COL13A1: variants seen among roughly 807,000 people sequenced by gnomAD.
COL13A1 encodes collagen type XIII alpha 1 chain.
Under a neutral mutation model 130.9 loss-of-function variants are expected in COL13A1, and 89 were observed. The ratio of observed to expected loss-of-function variants is 0.68; its 90% CI spans 0.57 to 0.81. The LOEUF is 0.81. Ranked by LOEUF, COL13A1 falls within the 30% of genes least tolerant of loss-of-function variation. COL13A1 has a pLI of 0.00. For synonymous variants in COL13A1, 402 were observed against 341.6 expected (o/e 1.18, Z -1.95); for missense variants, 879 against 934.6 (o/e 0.94, Z 0.78).
intron 17 of COL13A1, among the ~76,000 whole-genome samples, chr10:69,914,545 G>C (rs537085034): frequency 6.6e-6 from 1 of 152,204 alleles, no homozygotes; most frequent in Non-Finnish European, 1.5e-5. Context: ...GGGAAGAAGA[G>C]GGCAGAGGCA....
At chr10:69,881,604 G>T (rs2060145844) in intron 7 of COL13A1, among the ~76,000 whole-genome samples, 1 of 152,230 alleles carries the variant, frequency 6.6e-6, no homozygotes, top group Non-Finnish European at 1.5e-5. Context: ...AGCAGGGGCA[G>T]GAGAGCCAGG....
intron 7 of COL13A1, among the ~76,000 whole-genome samples, chr10:69,886,596 G>A (rs1457353221): frequency 6.6e-6 from 1 of 152,202 alleles, no homozygotes; most frequent in Admixed American, 6.5e-5. Flanking sequence ...ATTGAGGGAT[G>A]GCCTTGAACA....
At chr10:69,913,123 C>T (rs3793832) in intron 17 of COL13A1, among the ~76,000 whole-genome samples, 44,927 of 152,168 alleles carry the variant, frequency 0.3, 7,047 homozygotes, top group South Asian at 0.49. Flanking sequence ...GACTACAATC[C>T]ATCCCTTCCT....
chr10:69,917,141 C>G (rs1190890158), intron 17 of COL13A1, 148 bp from the exon 18 acceptor site: 1 of 895,960 alleles, frequency 1.1e-6, no homozygotes, highest in African/African-American at 1.7e-5. Flanking sequence ...GGGGCCCACA[C>G]AGCTGCCACC....
intron 2 of COL13A1, among the ~76,000 whole-genome samples, chr10:69,852,292 A>G (rs1283706239): frequency 2.0e-5 from 3 of 152,214 alleles, no homozygotes; most frequent in Non-Finnish European, 4.4e-5. Context: ...TTTGTTGTCT[A>G]TCACCTGCGG....
rs923032031 is a variant in COL13A1 at position 69,958,951 on chromosome 10, T to C, written c.*250T>C. The C allele has an allele frequency of 9.6e-6, 5 of 522,700 alleles. No individual in the cohort carries two copies. Among genetic ancestry groups the C allele is most frequent in the South Asian group, 2.8e-5 (1 of 36,124 alleles). 32.4% of individuals were successfully genotyped at this position (522,700 alleles called of 1,614,324 possible). A position where few individuals can be genotyped will look rare whatever the true frequency, so the allele number is the denominator to read the frequency against. On this transcript the variant is annotated 3_prime_UTR_variant, in exon 41 of 41. Transcript: ENST00000645393. ...AATGTCTGCATGATATTTGTGCACA[T>C]TTATTAAGTATCGAAGCTTAATAAA...
At chr10:69,935,518 A>C in intron 32 of COL13A1, 127 bp downstream of exon 32, 5 of 666,174 alleles carry the variant, frequency 7.5e-6, no homozygotes, top group Admixed American at 3.4e-5. Context: ...TGGTCTACAA[A>C]CCCCTCCCCG....
At chr10:69,866,352 C>T (rs568960704) in intron 2 of COL13A1, among the ~76,000 whole-genome samples, 5 of 152,286 alleles carry the variant, frequency 3.3e-5, no homozygotes, top group South Asian at 2.1e-4. Context: ...GCCTGGCAGG[C>T]GCAAGGCATC....
intron 17 of COL13A1, among the ~76,000 whole-genome samples, chr10:69,912,712 T>G (rs1048413757): frequency 6.6e-6 from 1 of 152,180 alleles, no homozygotes; most frequent in African/African-American, 2.4e-5. Context: ...GAACTTCATT[T>G]ACTTCCCCGT....
intron 2 of COL13A1, among the ~76,000 whole-genome samples, chr10:69,838,112 T>C (rs937780456): frequency 2.6e-5 from 4 of 152,162 alleles, no homozygotes; most frequent in African/African-American, 7.2e-5. Flanking sequence ...CTGCGCCTGC[T>C]CCAAGGCATC....
chr10:69,915,212 G>C (rs769926602), intron 17 of COL13A1, among the ~76,000 whole-genome samples: 2 of 152,270 alleles, frequency 1.3e-5, no homozygotes, highest in Non-Finnish European at 2.9e-5. Context: ...AGATGGAAGA[G>C]AGGAAGGTTG....
chr10:69,825,625 C>T (rs567340933), intron 2 of COL13A1, among the ~76,000 whole-genome samples: 4 of 152,332 alleles, frequency 2.6e-5, no homozygotes, highest in Admixed American at 6.5e-5. Flanking sequence ...CTGCCCACTG[C>T]GGTTGCTGAG....
intron 1 of COL13A1, among the ~76,000 whole-genome samples, chr10:69,811,400 G>A (rs2132268953): frequency 6.6e-6 from 1 of 152,316 alleles, no homozygotes; most frequent in Non-Finnish European, 1.5e-5. Context: ...GCTCTGATAA[G>A]GTGGCCTGTA....
intron 9 of COL13A1, 88 bp downstream of exon 9, chr10:69,888,418 G>A (rs1206882610): frequency 2.5e-5 from 38 of 1,531,702 alleles, no homozygotes; most frequent in Non-Finnish European, 3.2e-5. Flanking sequence ...CTTGGAAAAT[G>A]CTTTACTTAG....
At chr10:69,806,348 G>A (rs1363412408) in intron 1 of COL13A1, among the ~76,000 whole-genome samples, 4 of 152,220 alleles carry the variant, frequency 2.6e-5, no homozygotes, top group Non-Finnish European at 5.9e-5. Flanking sequence ...GAGGCAGAAG[G>A]GAGAGGGAGC....
intron 5 of COL13A1, among the ~76,000 whole-genome samples, chr10:69,877,111 C>T (rs1035322068): frequency 6.6e-6 from 1 of 152,204 alleles, no homozygotes; most frequent in Admixed American, 6.5e-5. Context: ...TTAAATGAGA[C>T]AATGGGCCCA....
chr10:69,906,577 T>C (rs1443959090), intron 17 of COL13A1, among the ~76,000 whole-genome samples: 4 of 152,094 alleles, frequency 2.6e-5, no homozygotes, highest in Non-Finnish European at 5.9e-5. Context: ...TTGTCACGTA[T>C]CTGCTTGTAT....
At chr10:69,884,591 G>A (rs763165600) in intron 7 of COL13A1, among the ~76,000 whole-genome samples, 1 of 152,116 alleles carries the variant, frequency 6.6e-6, no homozygotes. Flanking sequence ...GACCTCCTTC[G>A]GCTCCCTTTT....
rs748329387 is a variant in COL13A1, at chr10:69,928,923, C to T, written c.1423-14C>T. 1.2e-6 allele frequency: 2 copies of T among 1,609,998 alleles called. No homozygotes were observed. The highest frequency in any genetic ancestry group is 3.3e-5 in the Admixed American group (2 of 59,898). Reference sequence around the variant, plus strand: ...TGGGACAGTTCTTCCATGTGTCTTTCCTTTCTCTCCTAGGGGCCTCCTGGT... The same window carrying T: ...TGGGACAGTTCTTCCATGTGTCTTTTCTTTCTCTCCTAGGGGCCTCCTGGT... On this transcript the variant is annotated splice_polypyrimidine_tract_variant and intron_variant, in intron 27 of 40. Coordinates refer to ENST00000645393, the MANE Select transcript of COL13A1 (RefSeq NM_001368882.1).
Sources: allele counts gnomAD v4.1 joint callset (sites outside exome capture counted in the v4.1 genomes callset), GRCh38; gene constraint gnomAD v4.1.1; transcripts MANE v1.5; gene names NCBI Gene and HGNC (gene_info 2026-07-23, HGNC 2026-07-21).